ABHD18: variants seen among roughly 807,000 people sequenced by gnomAD.
The protein encoded by ABHD18 is abhydrolase domain containing 18, also known as cardiolipin-specific deacylase, mitochondrial.
Under a neutral mutation model 65.9 loss-of-function variants are expected in ABHD18, and 55 were observed. The observed-to-expected ratio is 0.84, with a 90% confidence interval of 0.67 to 1.05. The LOEUF (loss-of-function observed/expected upper bound fraction) is 1.05. ABHD18 is among the 50% of genes least tolerant of loss of function. ABHD18 has a pLI of 0.00. For missense variants in ABHD18, 533 were observed against 558.5 expected, an observed-to-expected ratio of 0.95 and a Z score of 0.46; for synonymous variants, 181 against 180.2, an observed-to-expected ratio of 1.00 and a Z score of -0.04.
chr4:128,026,279 ACTT>A (rs900593587), intron 10 of ABHD18, among the ~76,000 whole-genome samples: 5 of 150,564 alleles, frequency 3.3e-5, no homozygotes, highest in Non-Finnish European at 7.4e-5. Context: ...CAAGAGCGAG[ACTT>A]CTTCTGAACA....
chr4:128,025,441 CT>C lies in ABHD18; in HGVS notation c.802-3032del, dbSNP rs536424395. ...GTATGAGCCACTGTGCCCAGCCTCA[CT>C]TCCCTTTTTTATGGACTATACAAAG... On this transcript the variant is annotated intron_variant, in intron 10 of 12. Transcript: ENST00000645843. Among the ~76,000 whole-genome samples, 764 of 152,270 alleles carry C rather than the reference CT, an allele frequency of 5.0e-3. 10 individuals carry two copies. The highest frequency in any genetic ancestry group is 0.018 in the African/African-American group (735 of 41,562).
At position 128,028,774 on chromosome 4, in the gene ABHD18, C is replaced by G. The variant is rs60505265; in HGVS notation, c.1101C>G (p.Ser367Arg). 1.1e-5 allele frequency: 17 copies of G among 1,612,126 alleles called. No homozygotes were observed. Among genetic ancestry groups the G allele is most frequent in the Non-Finnish European group, 1.4e-5 (17 of 1,179,346 alleles). The change falls in exon 11 of 13, where the codon AGC becomes AGG. Residue 367 changes from serine (S) to arginine (R), a missense_variant. By Grantham distance (110) the Ser-to-Arg change is moderately radical. Coordinates refer to ENST00000645843, the MANE Select transcript of ABHD18 (RefSeq NM_001358451.3). ...QSYHLLSKEQ[S>R]RNSLRKESLI... ...ACCACCTACTTAGTAAAGAACAAAG[C>G]AGAAACAGTCTTCGGAAAGAGTCTT...
intron 7 of ABHD18, among the ~76,000 whole-genome samples, chr4:128,013,964 G>A (rs1579369359): frequency 2.0e-5 from 3 of 147,400 alleles, no homozygotes; most frequent in African/African-American, 7.4e-5. Context: ...CTAAGTAGTT[G>A]AAGAATTTCC....
At chr4:127,981,502 G>A (rs896424382) in intron 1 of ABHD18, among the ~76,000 whole-genome samples, 2 of 151,990 alleles carry the variant, frequency 1.3e-5, no homozygotes, top group African/African-American at 4.8e-5. Flanking sequence ...GTGGCACAGG[G>A]CCTAAAATAA....
In ABHD18 at chr4:128,020,093, C is replaced by T. The variant is rs761660121; in HGVS notation, c.623C>T (p.Ala208Val). The change falls in exon 9 of 13, where the codon GCG becomes GTG. Residue 208 changes from alanine (A) to valine (V), a missense_variant. Physicochemically the swap from Ala to Val is moderately conservative, Grantham distance 64 (BLOSUM62 0). Around this residue, in one of 3 missense-constraint regions of ABHD18, gnomAD observed 309 missense variants for 313.5 expected, o/e 0.99. Coordinates refer to ENST00000645843, the MANE Select transcript of ABHD18 (RefSeq NM_001358451.3). Reference protein sequence around the residue: ...ISMGGHMASLAVSNWPKPMPL... With the variant: ...ISMGGHMASLVVSNWPKPMPL... ...GTTATATTACAGATGGCTTCCTTAG[C>T]GGTATCCAACTGGCCTAAGCCCATG... 1.8e-5 allele frequency: 29 copies of T among 1,611,728 alleles called. No individual in the cohort carries two copies. Among genetic ancestry groups the T allele is most frequent in the South Asian group, 2.2e-5 (2 of 90,812 alleles).
intron 4 of ABHD18, among the ~76,000 whole-genome samples, chr4:127,999,308 A>G (rs1752285570): frequency 6.6e-6 from 1 of 152,138 alleles, no homozygotes; most frequent in African/African-American, 2.4e-5. Context: ...AAAGTAAGAA[A>G]GTAGCCTTCT....
chr4:127,993,905 A>C (rs900285040), intron 4 of ABHD18, among the ~76,000 whole-genome samples: 2 of 152,174 alleles, frequency 1.3e-5, no homozygotes, highest in Admixed American at 6.5e-5. Context: ...GATTTATAAG[A>C]TTTGCGCAGA....
chr4:128,011,672 A>C lies in ABHD18; in HGVS notation c.443-1A>C. 1 of 1,550,398 alleles carries C rather than the reference A, an allele frequency of 6.4e-7. No homozygotes were observed. Among genetic ancestry groups the C allele is most frequent in the Non-Finnish European group, 8.7e-7 (1 of 1,146,644 alleles). Reference sequence around the variant, plus strand: ...ACTTTCTCTTTGACCCACATTCTTAAATGGCTGCAGGAAACCCAAGGACCA... The same window carrying C: ...ACTTTCTCTTTGACCCACATTCTTACATGGCTGCAGGAAACCCAAGGACCA... On this transcript the variant is annotated splice_acceptor_variant, in intron 6 of 12. Transcript: ENST00000645843. LOFTEE classifies it high-confidence loss of function.
chr4:128,033,318 A>G (rs1472932125), intron 12 of ABHD18, among the ~76,000 whole-genome samples: 1 of 152,082 alleles, frequency 6.6e-6, no homozygotes, highest in African/African-American at 2.4e-5. Flanking sequence ...TATTGCTGTC[A>G]TATCTGTCTT....
chr4:127,966,884 CAAA>C (rs1177943709), intron 1 of ABHD18, among the ~76,000 whole-genome samples: 6 of 82,572 alleles, frequency 7.3e-5, no homozygotes, highest in African/African-American at 2.3e-4. Context: ...GATTCTGTCT[CAAA>C]AAAAAAAAAA....
At chr4:128,034,083 C>G (rs1029318174) in intron 12 of ABHD18, among the ~76,000 whole-genome samples, 1 of 149,984 alleles carries the variant, frequency 6.7e-6, no homozygotes, top group Non-Finnish European at 1.5e-5. Context: ...CTCAGCCTCT[C>G]GAGTAGCTGG....
intron 4 of ABHD18, chr4:128,001,615 C>G: frequency 8.4e-7 from 1 of 1,186,676 alleles, no homozygotes; most frequent in Non-Finnish European, 1.2e-6. Flanking sequence ...TTTATTATCC[C>G]TCATACTTAG....
intron 1 of ABHD18, among the ~76,000 whole-genome samples, chr4:127,972,961 T>C (rs1027583999): frequency 6.6e-6 from 1 of 152,104 alleles, no homozygotes; most frequent in South Asian, 2.1e-4. Flanking sequence ...TGAATGAAAA[T>C]ATATAAACAT....
At chr4:127,992,701 G>A (rs1751121505) in intron 4 of ABHD18, among the ~76,000 whole-genome samples, 1 of 151,918 alleles carries the variant, frequency 6.6e-6, no homozygotes, top group African/African-American at 2.4e-5. Flanking sequence ...ACTAGACCTG[G>A]CTAATTTTTT....
intron 12 of ABHD18, 34 bp from the exon 13 acceptor site, chr4:128,035,728 T>C: frequency 7.4e-7 from 1 of 1,343,108 alleles, no homozygotes; most frequent in Non-Finnish European, 1.0e-6. Flanking sequence ...TTTTTGTTAG[T>C]TACTTAGAGT....
intron 3 of ABHD18, 33 bp from the exon 4 acceptor site, chr4:127,989,688 C>A: frequency 7.1e-7 from 1 of 1,403,214 alleles, no homozygotes; most frequent in Non-Finnish European, 9.7e-7. Context: ...TCTTAGTTTT[C>A]TTGCATACAT....
At position 128,017,392 on chromosome 4, in the gene ABHD18, T is replaced by A. The variant is rs752989934; in HGVS notation, c.500T>A (p.Leu167His). 6.2e-7 allele frequency: 1 copy of A among 1,613,756 alleles called. No homozygotes were observed. Among genetic ancestry groups the A allele is most frequent in the Admixed American group, 1.7e-5 (1 of 59,994 alleles). The change falls in exon 8 of 13, where the codon CTT (leucine) becomes CAT (histidine). Residue 167 changes from leucine (L) to histidine (H), a missense_variant. Leu to His is a moderately conservative substitution (Grantham distance 99). Coordinates refer to ENST00000645843, the MANE Select transcript of ABHD18 (RefSeq NM_001358451.3). ...TCCAGCTTAAAAAATGTGTCCGACC[T>A]TTTTGTGATGGGAGGAGCTCTTGTT... ...VRSSLKNVSD[L>H]FVMGGALVLE...
intron 5 of ABHD18, 25 bp from the exon 6 acceptor site, chr4:128,009,082 A>G (rs1410411272): frequency 4.4e-6 from 7 of 1,587,164 alleles, no homozygotes; most frequent in Admixed American, 1.9e-5. Flanking sequence ...TATTCTTTTG[A>G]GTATGTGTTC....
chr4:127,970,254 T>C (rs1746474786), intron 1 of ABHD18, among the ~76,000 whole-genome samples: 1 of 152,042 alleles, frequency 6.6e-6, no homozygotes. Context: ...GCCATGGGTG[T>C]TACAAAGAAA....
Sources: allele counts gnomAD v4.1 joint callset (sites outside exome capture counted in the v4.1 genomes callset), GRCh38; gene constraint gnomAD v4.1.1; regional missense constraint gnomAD v4.1.1; transcripts MANE v1.5; gene names NCBI Gene and HGNC (gene_info 2026-07-23, HGNC 2026-07-21).